CEP104: variants seen among roughly 807,000 people sequenced by gnomAD.
The protein encoded by CEP104 is centrosomal protein 104.
In CEP104, 84 loss-of-function variants were observed where a neutral mutation model predicts 113.3. That is an observed-to-expected ratio of 0.74 (90% confidence interval 0.62 to 0.89). The LOEUF (loss-of-function observed/expected upper bound fraction) is 0.89. Among genes scored for constraint, CEP104 ranks in the 40% least tolerant of loss-of-function variants. The pLI, the probability that CEP104 is intolerant of heterozygous loss-of-function variation, is 0.00. For missense variants in CEP104, 1,053 were observed against 1,156.6 expected (o/e 0.91, Z 1.30); for synonymous variants, 378 against 421.7 (o/e 0.90, Z 1.27).
rs1643823497 is a variant in CEP104 at position 3,813,255 on chromosome 1, T to TC, written c.*2146_*2147insG. The TC allele has an allele frequency of 3.2e-5, 1 of 30,806 alleles. No homozygotes were observed. Among genetic ancestry groups the TC allele is most frequent in the South Asian group, 1.5e-3 (1 of 672 alleles). The allele number at this position is 30,806 out of a possible 1,614,324, so 1.9% of individuals were successfully genotyped here. A position where few individuals can be genotyped will look rare whatever the true frequency, so the allele number is the denominator to read the frequency against. ...TTTAAAGTTATTTCTCTCCTTATACTTTTTTTTTTTTTCGAGACGGAGTCT... is the reference window on the plus strand; with the variant it reads ...TTTAAAGTTATTTCTCTCCTTATACTCTTTTTTTTTTTTCGAGACGGAGTCT... On this transcript the variant is annotated 3_prime_UTR_variant, in exon 22 of 22. Transcript: ENST00000378230.
At position 3,837,233 on chromosome 1, in the gene CEP104, A is replaced by C. The variant is rs576849083; in HGVS notation, c.1119+59T>G. On this transcript the variant is annotated intron_variant, in intron 9 of 21. Transcript: ENST00000378230. The stretch of plus-strand genomic sequence containing the variant: ...GCATGGGAACAGCACCTGGCACAAC[A>C]CATGTCCTTTACAAATACCCAAATA... 9.6e-4 allele frequency: 1,347 copies of C among 1,403,166 alleles called. 2 individuals are homozygous for C. The highest frequency in any genetic ancestry group is 1.2e-3 in the Non-Finnish European group (1,242 of 1,009,504). The allele number at this position is 1,403,166 out of a possible 1,614,324, so 86.9% of individuals were successfully genotyped here. A position where few individuals can be genotyped will look rare whatever the true frequency, so the allele number is the denominator to read the frequency against.
chr1:3,836,304 CAAAAAA>C (rs34181241), intron 10 of CEP104, among the ~76,000 whole-genome samples, 185 bp downstream of exon 10: 1 of 115,102 alleles, frequency 8.7e-6, no homozygotes, highest in Non-Finnish European at 1.8e-5. Flanking sequence ...GACTCCGTCT[CAAAAAA>C]AAAAAAAAAA....
chr1:3,830,436 C>A (rs1644181376), intron 13 of CEP104, among the ~76,000 whole-genome samples: 1 of 152,138 alleles, frequency 6.6e-6, no homozygotes, highest in African/African-American at 2.4e-5. Context: ...AGATAAGGGG[C>A]TTCAACCTGT....
intron 11 of CEP104, 147 bp downstream of exon 11, chr1:3,834,778 C>T: frequency 4.4e-6 from 3 of 686,762 alleles, no homozygotes; most frequent in Non-Finnish European, 4.8e-6. Flanking sequence ...TGCTAGAGAA[C>T]CTCATTTCTT....
chr1:3,825,731 A>G lies in CEP104; in HGVS notation c.2364+27T>C, dbSNP rs368978417. ...GCCAGGTGTTCCCGCTCATGCAAGTAGCTGGCTGCTGTGCCGCTGGCCTGA... is the reference window on the plus strand; with the variant it reads ...GCCAGGTGTTCCCGCTCATGCAAGTGGCTGGCTGCTGTGCCGCTGGCCTGA... On this transcript the variant is annotated intron_variant, in intron 18 of 21. Coordinates refer to ENST00000378230, the MANE Select transcript of CEP104 (RefSeq NM_014704.4). The G allele has an allele frequency of 4.9e-6, 7 of 1,440,418 alleles. No homozygotes were observed. In the African/African-American group the frequency reaches 9.8e-5, roughly 20 times the overall value. The allele number at this position is 1,440,418 out of a possible 1,614,324, so 89.2% of individuals were successfully genotyped here.
chr1:3,815,781 C>T (rs529007937), intron 21 of CEP104, among the ~76,000 whole-genome samples: 13 of 152,048 alleles, frequency 8.5e-5, no homozygotes, highest in Non-Finnish European at 1.5e-4. Flanking sequence ...CTCCACCTCC[C>T]GGGTTCAAGC....
chr1:3,831,047 T>C lies in CEP104; in HGVS notation c.1835A>G (p.Lys612Arg). Reference protein sequence around the residue: ...SSGFTIDNVMKFSVSALEHRV... With the variant: ...SSGFTIDNVMRFSVSALEHRV... ...GTGTCACACGCGAGGTCTGCTTACC[T>C]TCATCACGTTGTCAATGGTGAAGCC... is the stretch of plus-strand genomic sequence containing the variant. Residue 612 changes from lysine (K) to arginine (R), a missense_variant and splice_region_variant, in exon 13 of 22, where the codon AAG becomes AGG. Lys to Arg is a conservative substitution (Grantham distance 26). Transcript: ENST00000378230. 6.2e-7 allele frequency: 1 copy of C among 1,613,170 alleles called. No homozygotes were observed. Among genetic ancestry groups the C allele is most frequent in the Non-Finnish European group, 8.5e-7 (1 of 1,179,700 alleles).
chr1:3,824,656 C>T lies in CEP104; in HGVS notation c.2365-1094G>A, dbSNP rs537419041. ...AATCAATAAAAACAGATGGACAACC[C>T]GAGGGAAACCGGTGAGAAACCAGGT... On this transcript the variant is annotated intron_variant, in intron 18 of 21. Transcript: ENST00000378230. Among the ~76,000 whole-genome samples the T allele has an allele frequency of 5.9e-5, 9 of 152,238 alleles. No homozygotes were observed. In the South Asian group the frequency reaches 1.5e-3, roughly 25 times the overall value.
At chr1:3,834,785 T>G in intron 11 of CEP104, 140 bp downstream of exon 11, 1 of 710,430 alleles carries the variant, frequency 1.4e-6, no homozygotes, top group Non-Finnish European at 2.3e-6. Flanking sequence ...GAACCTCATT[T>G]CTTAGTGATT....
In CEP104 at chr1:3,836,468, G is replaced by GTTTTT. The variant is rs36051675; in HGVS notation, c.1317+22_1317+26dup. On this transcript the variant is annotated intron_variant, in intron 10 of 21. Transcript: ENST00000378230. ...AGACTAGCCTCCCCTCTGCCACCCC[G>GTTTTT]TTTTTTTTTTTTTTTTTTTTTTTTA... 3,415 of 1,006,610 alleles carry GTTTTT rather than the reference G, an allele frequency of 3.4e-3. 13 individuals are homozygous for GTTTTT. The highest frequency in any genetic ancestry group is 5.7e-3 in the South Asian group (370 of 64,492). The allele number at this position is 1,006,610 out of a possible 1,614,324, so 62.4% of individuals were successfully genotyped here.
chr1:3,826,049 C>T (rs970530025), intron 17 of CEP104, among the ~76,000 whole-genome samples, 183 bp from the exon 18 acceptor site: 3 of 152,186 alleles, frequency 2.0e-5, no homozygotes, highest in African/African-American at 7.2e-5. Context: ...TTGCAGGTGG[C>T]AGAGGAGGCT....
intron 8 of CEP104, among the ~76,000 whole-genome samples, chr1:3,838,432 T>C (rs1236330246): frequency 1.3e-5 from 2 of 152,192 alleles, no homozygotes; most frequent in Admixed American, 1.3e-4. Flanking sequence ...ATTACAGGCG[T>C]GAGCCACCAT....
chr1:3,834,866 G>C, intron 11 of CEP104, 59 bp downstream of exon 11: 2 of 1,477,184 alleles, frequency 1.4e-6, no homozygotes, highest in Non-Finnish European at 1.8e-6. Flanking sequence ...GGTCTTCTGT[G>C]GTACGGCGCA....
At position 3,839,779 on chromosome 1, in the gene CEP104, A is replaced by T. The variant is rs1644381298; in HGVS notation, c.567-3T>A. On this transcript the variant is annotated splice_polypyrimidine_tract_variant and splice_region_variant and intron_variant, in intron 6 of 21. Coordinates refer to ENST00000378230, the MANE Select transcript of CEP104 (RefSeq NM_014704.4). ...GCGGAGAGATATAGTCAGATTTCCT[A>T]AAGGGAAGAAATGCATATTTTAGAG... 6.2e-7 allele frequency: 1 copy of T among 1,607,182 alleles called. No homozygotes were observed. Among genetic ancestry groups the T allele is most frequent in the Non-Finnish European group, 8.5e-7 (1 of 1,177,756 alleles).
intron 12 of CEP104, among the ~76,000 whole-genome samples, chr1:3,831,854 T>G (rs1051725581): frequency 1.3e-5 from 2 of 152,222 alleles, no homozygotes; most frequent in African/African-American, 4.8e-5. Flanking sequence ...TAAAATAATC[T>G]CTTATCGTGC....
chr1:3,837,479 C>G lies in CEP104; in HGVS notation c.932G>C (p.Arg311Pro). 1 of 1,614,216 alleles carries G rather than the reference C, an allele frequency of 6.2e-7. No individual in the cohort carries two copies. Among genetic ancestry groups the G allele is most frequent in the Non-Finnish European group, 8.5e-7 (1 of 1,180,036 alleles). Reference sequence around the variant, plus strand: ...CTTTTGGTGGCAAGGACTGCCAGAACGAGCGAGGGGCTGGAGGGGCAAATC... The same window carrying G: ...CTTTTGGTGGCAAGGACTGCCAGAAGGAGCGAGGGGCTGGAGGGGCAAATC... ...PFDLPLQPLA[R>P]SGSPCHQKPM... The change falls in exon 9 of 22, where the codon CGT (arginine) becomes CCT (proline). Residue 311 changes from arginine to proline, a missense_variant. By Grantham distance (103) the Arg-to-Pro change is moderately radical. Coordinates refer to ENST00000378230, the MANE Select transcript of CEP104 (RefSeq NM_014704.4).
Position 3,823,025 on chromosome 1 carries a change from C to T in CEP104, c.2571+149G>A. 1.4e-6 allele frequency: 1 copy of T among 693,808 alleles called. No homozygotes were observed. Among genetic ancestry groups the T allele is most frequent in the Non-Finnish European group, 2.5e-6 (1 of 396,336 alleles). The allele number at this position is 693,808 out of a possible 1,614,324, so 43.0% of individuals were successfully genotyped here. Reference sequence around the variant, plus strand: ...TAGGTAAACGGAACGACTGCTCAGACAGGGCTCACTAGACGCTGTCCCCTC... The same window carrying T: ...TAGGTAAACGGAACGACTGCTCAGATAGGGCTCACTAGACGCTGTCCCCTC... On this transcript the variant is annotated intron_variant, in intron 20 of 21. Coordinates refer to ENST00000378230, the MANE Select transcript of CEP104 (RefSeq NM_014704.4). This position sits in a 1 kb window ranked among gnomAD's most constrained non-coding sequence, Gnocchi z 4.1.
intron 6 of CEP104, among the ~76,000 whole-genome samples, chr1:3,842,174 G>A (rs1391746664): frequency 2.6e-5 from 4 of 152,122 alleles, no homozygotes; most frequent in South Asian, 2.1e-4. Context: ...TGCAAGCTCC[G>A]CCTCACGCCA....
intron 9 of CEP104, 26 bp downstream of exon 9, chr1:3,837,266 C>T (rs549178167): frequency 5.4e-5 from 84 of 1,565,394 alleles, no homozygotes; most frequent in East Asian, 2.3e-4. Context: ...ATAAATTGAA[C>T]GCCAATCTGA....
Sources: gnomAD v4.1 joint callset for allele counts (sites outside exome capture counted in the v4.1 genomes callset) on GRCh38, gnomAD v4.1.1 for gene constraint, Gnocchi (gnomAD v3.1) non-coding constraint, MANE v1.5 for transcripts, NCBI Gene and HGNC (gene_info 2026-07-23, HGNC 2026-07-21) for gene names.